The following HLCS variants were observed in gnomAD, a reference collection of about 807,000 sequenced individuals.
HLCS encodes holocarboxylase synthetase.
In HLCS, 53 loss-of-function variants were observed where a neutral mutation model predicts 75.0. The ratio of observed to expected loss-of-function variants is 0.71; its 90% CI spans 0.57 to 0.89. HLCS has a LOEUF of 0.89. Ranked by LOEUF, HLCS falls within the 40% of genes least tolerant of loss-of-function variation. HLCS has a pLI of 0.00. For synonymous variants in HLCS, 431 were observed against 428.6 expected (o/e 1.01, Z -0.07); for missense variants, 966 against 1,074.0 (o/e 0.90, Z 1.41).
chr21:36,769,869 C>T (rs902325197), intron 6 of HLCS, among the ~76,000 whole-genome samples: 3 of 152,072 alleles, frequency 2.0e-5, no homozygotes, highest in Admixed American at 6.5e-5. Flanking sequence ...ATGAAAAATC[C>T]GAATGAACAA....
Position 36,930,331 on chromosome 21 carries a change from T to A in HLCS, c.1540A>T (p.Ile514Phe). Residue 514 changes from isoleucine to phenylalanine, a missense_variant, in exon 5 of 11, where the codon ATT (isoleucine) becomes TTT (phenylalanine). Ile to Phe is a conservative substitution (Grantham distance 21, BLOSUM62 0). Transcript: ENST00000674895. ...CAGCTGAGGCCAAGGGTTGTCAGAA[T>A]CTCTCTAAGGACTTCGTATCTTCTA... ...NFRRYEVLRE[I>F]LTTLGLSCDM... The A allele has an allele frequency of 6.2e-7, 1 of 1,614,084 alleles. No individual in the cohort carries two copies. The highest frequency in any genetic ancestry group is 8.5e-7 in the Non-Finnish European group (1 of 1,179,996).
At chr21:36,901,436 G>C (rs1023692718) in intron 5 of HLCS, among the ~76,000 whole-genome samples, 1 of 152,190 alleles carries the variant, frequency 6.6e-6, no homozygotes, top group Non-Finnish European at 1.5e-5. Context: ...TTAAAAAGAG[G>C]ATGCAAAGTA....
At chr21:36,838,320 ACACACACACC>A (rs1470674250) in intron 6 of HLCS, among the ~76,000 whole-genome samples, 1 of 151,640 alleles carries the variant, frequency 6.6e-6, no homozygotes, top group African/African-American at 2.4e-5. Flanking sequence ...ACACACACAC[ACACACACACC>A]CCCACAACCA....
intron 6 of HLCS, among the ~76,000 whole-genome samples, chr21:36,769,255 G>A (rs117597207): frequency 6.2e-4 from 95 of 152,348 alleles, no homozygotes; most frequent in Non-Finnish European, 1.1e-3. Context: ...CAAGGAGGGA[G>A]ACAACCGGGG....
chr21:36,890,850 C>G (rs573711375), intron 6 of HLCS, among the ~76,000 whole-genome samples: 1 of 152,322 alleles, frequency 6.6e-6, no homozygotes, highest in East Asian at 1.9e-4. Flanking sequence ...CACCTGTGAT[C>G]CTAAATCTGG....
intron 6 of HLCS, among the ~76,000 whole-genome samples, chr21:36,820,785 A>G (rs1342199689): frequency 6.6e-6 from 1 of 152,232 alleles, no homozygotes; most frequent in Non-Finnish European, 1.5e-5. Flanking sequence ...TCCCTGGTGA[A>G]GCTCCATCTT....
In HLCS at chr21:36,897,209, A is replaced by T. The variant is rs1299852860; in HGVS notation, c.1621-78T>A. 10 of 1,456,152 alleles carry T rather than the reference A, an allele frequency of 6.9e-6. No homozygotes were observed. The Admixed American group carries it at 1.7e-4, about 24-fold the overall frequency. The allele number at this position is 1,456,152 out of a possible 1,614,324, so 90.2% of individuals were successfully genotyped here. A position where few individuals can be genotyped will look rare whatever the true frequency, so the allele number is the denominator to read the frequency against. On this transcript the variant is annotated intron_variant, in intron 5 of 10. Coordinates refer to ENST00000674895, the MANE Select transcript of HLCS (RefSeq NM_001352514.2). ...CATGGTAGCTTTTCCTTATAATGCC[A>T]TTTTGGTAATATGAGTACTTCCTAA...
At chr21:36,785,794 A>G (rs777269984) in intron 6 of HLCS, among the ~76,000 whole-genome samples, 175 of 152,266 alleles carry the variant, frequency 1.1e-3, no homozygotes, top group Non-Finnish European at 2.4e-3. Context: ...AGGTTTCCCC[A>G]AGAAGCAGGA....
At chr21:36,756,960 G>A (rs1848282681) in intron 9 of HLCS, 4 of 985,056 alleles carry the variant, frequency 4.1e-6, no homozygotes, top group Non-Finnish European at 4.8e-6. Context: ...TCTTGTTCAA[G>A]CTAAAACCAT....
At position 36,765,172 on chromosome 21, in the gene HLCS, C is replaced by T. The variant is rs2089990202; in HGVS notation, c.1961G>A (p.Gly654Glu). 6.2e-7 allele frequency: 1 copy of T among 1,614,218 alleles called. No individual in the cohort carries two copies. Among genetic ancestry groups the T allele is most frequent in the Non-Finnish European group, 8.5e-7 (1 of 1,180,030 alleles). The change falls in exon 8 of 11, where the codon GGA (glycine) becomes GAA (glutamate). Residue 654 changes from glycine (G) to glutamate (E), a missense_variant and splice_region_variant. Coordinates refer to ENST00000674895, the MANE Select transcript of HLCS (RefSeq NM_001352514.2). ...VIAARQTEGK[G>E]RGGNVWLSPV... ...GCTCAGCCACACATTCCCTCCCCGTCCTGGAACACAGGCCACAGTGGGAAA... is the reference window on the plus strand; with the variant it reads ...GCTCAGCCACACATTCCCTCCCCGTTCTGGAACACAGGCCACAGTGGGAAA...
At chr21:36,802,640 C>T (rs1280124786) in intron 6 of HLCS, among the ~76,000 whole-genome samples, 1 of 152,176 alleles carries the variant, frequency 6.6e-6, no homozygotes. Flanking sequence ...TCCCTGACCT[C>T]CGCATCCAAA....
chr21:36,855,290 G>A (rs1437805519), intron 6 of HLCS, among the ~76,000 whole-genome samples: 1 of 151,978 alleles, frequency 6.6e-6, no homozygotes, highest in Non-Finnish European at 1.5e-5. Context: ...CAGCACTTTG[G>A]GAGGCCAAAG....
intron 6 of HLCS, among the ~76,000 whole-genome samples, chr21:36,769,820 A>T (rs1177120319): frequency 6.6e-6 from 1 of 152,226 alleles, no homozygotes; most frequent in Non-Finnish European, 1.5e-5. Context: ...ATTAAGCTTT[A>T]ATGATTGGGA....
intron 5 of HLCS, among the ~76,000 whole-genome samples, chr21:36,912,346 T>C (rs750638024): frequency 1.3e-5 from 2 of 148,776 alleles, no homozygotes; most frequent in Non-Finnish European, 3.0e-5. Flanking sequence ...ATAACATGGA[T>C]GGACCTTGAA....
chr21:36,948,891 A>G (rs1457571895), intron 2 of HLCS, among the ~76,000 whole-genome samples: 1 of 152,124 alleles, frequency 6.6e-6, no homozygotes, highest in Non-Finnish European at 1.5e-5. Context: ...TTGCGAAACC[A>G]TGACTGACAA....
chr21:36,924,990 CAT>C (rs1324250750), intron 5 of HLCS, among the ~76,000 whole-genome samples: 1 of 152,044 alleles, frequency 6.6e-6, no homozygotes, highest in African/African-American at 2.4e-5. Flanking sequence ...AAAAAAGTAA[CAT>C]AAAGGACTTC....
At position 36,936,990 on chromosome 21, in the gene HLCS, C is replaced by A; in HGVS notation, c.896G>T (p.Gly299Val). 6.2e-7 allele frequency: 1 copy of A among 1,614,142 alleles called. No individual in the cohort carries two copies. The highest frequency in any genetic ancestry group is 1.3e-5 in the African/African-American group (1 of 75,030). Reference protein sequence around the residue: ...VADETSPEREGRRVNLTGKAP... With the variant: ...VADETSPEREVRRVNLTGKAP... ...CTTTCCCGTGAGGTTGACTCTCCTC[C>A]CTTCTCTTTCGGGGGAGGTCTCATC... Residue 299 changes from glycine to valine, a missense_variant, in exon 4 of 11, where the codon GGG (glycine) becomes GTG (valine). Physicochemically the swap from Gly to Val is moderately radical, Grantham distance 109. Transcript: ENST00000674895.
At chr21:36,937,739 C>A (rs568266656) in intron 3 of HLCS, among the ~76,000 whole-genome samples, 23 of 152,304 alleles carry the variant, frequency 1.5e-4, no homozygotes, top group African/African-American at 5.3e-4. Flanking sequence ...TATTCTCCTT[C>A]ACAATAATGA....
chr21:36,962,040 T>G lies in HLCS; in HGVS notation c.326A>C (p.Glu109Ala). The G allele has an allele frequency of 2.3e-6, 3 of 1,289,538 alleles. No homozygotes were observed. The highest frequency in any genetic ancestry group is 3.0e-6 in the Non-Finnish European group (3 of 988,708). 79.9% of individuals were successfully genotyped at this position (1,289,538 alleles called of 1,614,324 possible). The change falls in exon 2 of 11, where the codon GAA becomes GCA. Residue 109 changes from glutamate (E) to alanine (A), a missense_variant. By Grantham distance (107) the Glu-to-Ala change is moderately radical. Transcript: ENST00000674895. ...SENLQRSSSS[E>A]TIVKWSDCCL... ...ACAAGTAAACATGGTACTCACTGTT[T>G]CTGAAGAGGATGATCTCTGTAAATT...
Sources: gnomAD v4.1 joint callset for allele counts (sites outside exome capture counted in the v4.1 genomes callset) on GRCh38, gnomAD v4.1.1 for gene constraint, MANE v1.5 for transcripts, NCBI Gene and HGNC (gene_info 2026-07-23, HGNC 2026-07-21) for gene names.